CNBD1: variants seen among roughly 807,000 people sequenced by gnomAD.
CNBD1 encodes cyclic nucleotide-binding domain-containing protein 1.
CNBD1 carries 71 observed loss-of-function variants against 54.4 expected under a neutral mutation model. The ratio of observed to expected loss-of-function variants is 1.30; its 90% confidence interval spans 1.08 to 1.59. CNBD1 has a LOEUF of 1.59. CNBD1 is among the 40% of genes most tolerant of loss of function. The pLI is 0.00. For synonymous variants in CNBD1, 182 were observed against 170.7 expected (o/e 1.07, Z -0.51); for missense variants, 659 against 518.0 (o/e 1.27, Z -2.64).
intron 4 of CNBD1, among the ~76,000 whole-genome samples, chr8:87,186,534 A>G (rs1813479614): frequency 6.6e-6 from 1 of 152,136 alleles, no homozygotes; most frequent in Admixed American, 6.5e-5. Flanking sequence ...ACAAACAACA[A>G]AAATAAATGA....
At chr8:87,385,068 G>T (rs1480914609), downstream of CNBD1, among the ~76,000 whole-genome samples, 2 of 152,138 alleles carry the variant, frequency 1.3e-5, no homozygotes, top group Admixed American at 6.5e-5. Context: ...AAATAGATTT[G>T]GGGGACAAGG....
intron 5 of CNBD1, among the ~76,000 whole-genome samples, chr8:87,222,385 CT>C (rs1434560767): frequency 6.6e-6 from 1 of 152,162 alleles, no homozygotes. Context: ...TCAGTTTCTT[CT>C]CTCAAGAGGT....
intron 1 of CNBD1, among the ~76,000 whole-genome samples, chr8:86,883,077 C>T (rs1808627668): frequency 6.6e-6 from 1 of 151,916 alleles, no homozygotes; most frequent in African/African-American, 2.4e-5. Context: ...GGATACTAGG[C>T]TTAATATCTG....
At chr8:87,312,730 G>A (rs901599746) in intron 8 of CNBD1, among the ~76,000 whole-genome samples, 4 of 151,652 alleles carry the variant, frequency 2.6e-5, no homozygotes, top group Non-Finnish European at 5.9e-5. Context: ...AACAAATCTA[G>A]CACTTTAGAA....
intron 4 of CNBD1, among the ~76,000 whole-genome samples, chr8:86,948,856 T>C (rs1460737648): frequency 1.3e-5 from 2 of 152,166 alleles, no homozygotes; most frequent in African/African-American, 4.8e-5. Flanking sequence ...TCCTGGAGTT[T>C]TCCAATGTTT....
chr8:87,022,693 C>A (rs948633372), intron 4 of CNBD1, among the ~76,000 whole-genome samples: 1 of 152,132 alleles, frequency 6.6e-6, no homozygotes, highest in Non-Finnish European at 1.5e-5. Flanking sequence ...TTACTGAAAC[C>A]ATGGTAATGA....
At chr8:87,313,529 C>A (rs1345934909) in intron 8 of CNBD1, among the ~76,000 whole-genome samples, 1 of 151,904 alleles carries the variant, frequency 6.6e-6, no homozygotes, top group Non-Finnish European at 1.5e-5. Context: ...AGTGAAGGAA[C>A]TATCAATAGT....
At chr8:87,016,784 T>A (rs1350187735) in intron 4 of CNBD1, among the ~76,000 whole-genome samples, 1 of 152,172 alleles carries the variant, frequency 6.6e-6, no homozygotes, top group Non-Finnish European at 1.5e-5. Context: ...GCAATCAGCC[T>A]AGTAGGCCAG....
At chr8:87,218,226 G>A (rs1294769501) in intron 5 of CNBD1, among the ~76,000 whole-genome samples, 1 of 152,000 alleles carries the variant, frequency 6.6e-6, no homozygotes, top group Non-Finnish European at 1.5e-5. Flanking sequence ...AGACATAATA[G>A]TTACTCAAAA....
At chr8:87,391,624 T>A (rs1271933732) in intron 2 of CNBD1, among the ~76,000 whole-genome samples, 3 of 152,068 alleles carry the variant, frequency 2.0e-5, no homozygotes, top group Non-Finnish European at 4.4e-5. Context: ...CAAATCATGC[T>A]GGGATAATGG....
chr8:87,254,538 G>A (rs1807973147), intron 6 of CNBD1, among the ~76,000 whole-genome samples: 1 of 152,142 alleles, frequency 6.6e-6, no homozygotes, highest in African/African-American at 2.4e-5. Context: ...TCAATGTAGA[G>A]GATTCTCATC....
At chr8:87,180,860 A>G (rs1481538302) in intron 4 of CNBD1, among the ~76,000 whole-genome samples, 1 of 152,116 alleles carries the variant, frequency 6.6e-6, no homozygotes, top group African/African-American at 2.4e-5. Context: ...AACTAACAAT[A>G]TTGTTTGCAG....
intron 4 of CNBD1, among the ~76,000 whole-genome samples, chr8:86,979,930 G>A (rs1033299623): frequency 6.6e-6 from 1 of 152,152 alleles, no homozygotes; most frequent in Admixed American, 6.5e-5. Context: ...AAATATTTTA[G>A]ATTGAATTAC....
chr8:86,873,918 A>T lies in CNBD1; in HGVS notation c.88+7335A>T, dbSNP rs1303173016. ...CCATATTTCAGTGTGTATTTTTAAA[A>T]AAACATTGTTACATAATTACAATAC... On this transcript the variant is annotated intron_variant, in intron 1 of 10. Transcript: ENST00000518476. 4.6e-5 allele frequency among the ~76,000 whole-genome samples: 7 copies of T among 152,350 alleles called. No individual in the cohort carries two copies. In the East Asian group the frequency reaches 1.3e-3, roughly 29 times the overall value.
chr8:86,878,105 T>TGTGTGAGAGA (rs56785226), intron 1 of CNBD1, among the ~76,000 whole-genome samples: 6 of 140,970 alleles, frequency 4.3e-5, no homozygotes, highest in Admixed American at 3.7e-4. Flanking sequence ...TGTGTGTGTG[T>TGTGTGAGAGA]GAGAGAGAGA....
intron 2 of CNBD1, among the ~76,000 whole-genome samples, chr8:87,411,127 A>G (rs533143226): frequency 6.6e-6 from 1 of 151,882 alleles, no homozygotes; most frequent in South Asian, 2.1e-4. Context: ...CCAGAAATAC[A>G]AGTATGCTTG....
intron 2 of CNBD1, among the ~76,000 whole-genome samples, chr8:86,895,628 G>A (rs1245269287): frequency 6.6e-6 from 1 of 152,102 alleles, no homozygotes; most frequent in Non-Finnish European, 1.5e-5. Context: ...TTGGTGTTTT[G>A]AATATTAGGC....
At chr8:87,376,451 G>C (rs1335623051) in intron 10 of CNBD1, among the ~76,000 whole-genome samples, 1 of 151,896 alleles carries the variant, frequency 6.6e-6, no homozygotes, top group African/African-American at 2.4e-5. Context: ...TTCAACCTAT[G>C]AATTTTTGAG....
chr8:87,280,976 C>CA (rs1223696817), intron 6 of CNBD1, among the ~76,000 whole-genome samples: 2 of 137,300 alleles, frequency 1.5e-5, no homozygotes, highest in Admixed American at 7.0e-5. Context: ...ATGATATTTT[C>CA]AAAAAAATTG....
Sources: gnomAD v4.1 joint callset for allele counts (sites outside exome capture counted in the v4.1 genomes callset) on GRCh38, gnomAD v4.1.1 for gene constraint, MANE v1.5 for transcripts, NCBI Gene and HGNC (gene_info 2026-07-23, HGNC 2026-07-21) for gene names.